The following DCST2 variants were observed in gnomAD, a reference collection of about 807,000 sequenced individuals.
The protein encoded by DCST2 is DC-STAMP domain-containing protein 2.
In DCST2, 64 loss-of-function variants were observed where a neutral mutation model predicts 81.8. That is an observed-to-expected ratio of 0.78 (90% confidence interval 0.64 to 0.96). The LOEUF is 0.96. DCST2 is among the 40% of genes least tolerant of loss of function. The pLI is 0.00. For missense variants in DCST2, 945 were observed against 1,001.4 expected (o/e 0.94, Z 0.76); for synonymous variants, 354 against 402.6 (o/e 0.88, Z 1.44).
chr1:155,028,145 C>T (rs1659964435), intron 8 of DCST2, among the ~76,000 whole-genome samples: 2 of 151,326 alleles, frequency 1.3e-5, no homozygotes, highest in South Asian at 4.2e-4. Context: ...AGCCTGGTCT[C>T]AAACTCCTGA....
At chr1:155,020,530 TA>T (rs1168566890) in intron 14 of DCST2, among the ~76,000 whole-genome samples, 1 of 151,700 alleles carries the variant, frequency 6.6e-6, no homozygotes, top group Non-Finnish European at 1.5e-5. Context: ...CCACCATGCC[TA>T]ATTTTTTGTA....
intron 5 of DCST2, chr1:155,030,931 T>G: frequency 1.6e-6 from 1 of 611,908 alleles, no homozygotes; most frequent in Non-Finnish European, 2.9e-6. Context: ...CAGGAGGCCC[T>G]GGTTCTGTTC....
rs1571542161 is a variant in DCST2, at chr1:155,022,432, C to T, written c.2105+685G>A. Among the ~76,000 whole-genome samples the T allele has an allele frequency of 3.9e-5, 6 of 152,268 alleles. No individual in the cohort carries two copies. The South Asian group carries it at 1.0e-3, about 26-fold the overall frequency. On this transcript the variant is annotated intron_variant, in intron 14 of 14. Transcript: ENST00000368424. The stretch of plus-strand genomic sequence containing the variant: ...CAAACCACCAAGTTGCCCCCAAAAT[C>T]CAGCCCGTGGCCAGGCACCATGGCT...
At chr1:155,020,172 C>T (rs777735270) in intron 14 of DCST2, among the ~76,000 whole-genome samples, 3 of 152,194 alleles carry the variant, frequency 2.0e-5, no homozygotes, top group Non-Finnish European at 2.9e-5. Flanking sequence ...CTCAAATCTT[C>T]CTGTTCTTAG....
At chr1:155,025,890 ATAGAGAC>A (rs1659892915) in intron 10 of DCST2, among the ~76,000 whole-genome samples, 2 of 150,636 alleles carry the variant, frequency 1.3e-5, no homozygotes, top group South Asian at 4.2e-4. Flanking sequence ...TTTTTTTTTA[ATAGAGAC>A]AGAGGCTCAC....
chr1:155,023,353 G>A lies in DCST2; in HGVS notation c.1964+11C>T, dbSNP rs1247302187. The A allele has an allele frequency of 1.2e-6, 2 of 1,609,250 alleles. No homozygotes were observed. Among genetic ancestry groups the A allele is most frequent in the Non-Finnish European group, 1.7e-6 (2 of 1,177,760 alleles). On this transcript the variant is annotated intron_variant, in intron 13 of 14. Coordinates refer to ENST00000368424, the MANE Select transcript of DCST2 (RefSeq NM_144622.3). ...CAGACTCCAGCCACCCCATGTCACTGAAAGACTCACAGCTCCAGGTCCAGG... is the reference window on the plus strand; with the variant it reads ...CAGACTCCAGCCACCCCATGTCACTAAAAGACTCACAGCTCCAGGTCCAGG...
chr1:155,030,054 T>G, intron 7 of DCST2, 30 bp downstream of exon 7: 2 of 1,610,428 alleles, frequency 1.2e-6, no homozygotes, highest in Non-Finnish European at 1.7e-6. Context: ...CCTCCCTGGC[T>G]TGGGCTCTCC....
chr1:155,023,046 G>T (rs1045505648), intron 14 of DCST2, 71 bp downstream of exon 14: 12 of 1,552,338 alleles, frequency 7.7e-6, no homozygotes, highest in East Asian at 2.3e-5. Flanking sequence ...ACCCAGGAAG[G>T]CCTTTGCAAA....
rs373275652 is a variant in DCST2 at position 155,031,616 on chromosome 1, C to T, written c.697G>A (p.Val233Met). 4.8e-5 allele frequency: 77 copies of T among 1,613,422 alleles called. No homozygotes were observed. Among genetic ancestry groups the T allele is most frequent in the Middle Eastern group, 1.6e-4 (1 of 6,084 alleles). ...AGCGCCAGTTTGAAGGGCATGAGCA[C>T]GTAACACAGGTGGTAGGCTTGTGGT... The part of the protein sequence containing the change: ...VIPQAYHLCY[V>M]LMPFKLALCG... The change falls in exon 4 of 15, where the codon GTG becomes ATG. Residue 233 changes from valine to methionine, a missense_variant. Val to Met is a conservative substitution (Grantham distance 21). Coordinates refer to ENST00000368424, the MANE Select transcript of DCST2 (RefSeq NM_144622.3).
At position 155,018,646 on chromosome 1, in the gene DCST2, C is replaced by T; in HGVS notation, c.2220G>A (p.Glu740=). Residue 740 remains glutamate, a synonymous_variant, in exon 15 of 15, where the codon GAG becomes GAA. Transcript: ENST00000368424. ...LTSPEPHRPP[E]TSSATKGAPT... ...GGGCTCCTTTAGTGGCGGAGGATGT[C>T]TCAGGTGGTCTGTGGGGCTCAGGGC... The T allele has an allele frequency of 6.2e-7, 1 of 1,613,804 alleles. No homozygotes were observed. Among genetic ancestry groups the T allele is most frequent in the Middle Eastern group, 1.7e-4 (1 of 6,058 alleles).
intron 10 of DCST2, among the ~76,000 whole-genome samples, chr1:155,025,660 C>T (rs1218885612): frequency 6.6e-6 from 1 of 151,638 alleles, no homozygotes; most frequent in East Asian, 2.0e-4. Context: ...CCTCAACATG[C>T]CAACACTGCC....
At chr1:155,032,483 A>G (rs567339276) in intron 3 of DCST2, among the ~76,000 whole-genome samples, 184 bp downstream of exon 3, 1 of 151,380 alleles carries the variant, frequency 6.6e-6, no homozygotes, top group African/African-American at 2.4e-5. Flanking sequence ...TTTATTTTCT[A>G]TTTTTTTATT....
intron 9 of DCST2, 42 bp from the exon 10 acceptor site, chr1:155,026,444 A>G (rs1215551768): frequency 1.2e-6 from 2 of 1,612,648 alleles, no homozygotes; most frequent in Non-Finnish European, 1.7e-6. Context: ...CAGCAGGCAC[A>G]AGTGCCAGCC....
intron 7 of DCST2, 104 bp from the exon 8 acceptor site, chr1:155,029,501 C>A (rs1660007408): frequency 8.9e-7 from 1 of 1,117,834 alleles, no homozygotes; most frequent in Admixed American, 2.3e-5. Context: ...GTGGGCCCGT[C>A]TGCTCATCAG....
Position 155,026,350 on chromosome 1 carries a change from G to T in DCST2, c.1563C>A (p.Ser521Arg). Residue 521 changes from serine (S) to arginine (R), a missense_variant, in exon 10 of 15, where the codon AGC becomes AGA. Transcript: ENST00000368424. ...FFITLFGSYV[S>R]RLRRVICASY... ...AGGCACAGATGACTCGCCGCAGCCG[G>T]CTGACATAGCTGCCAAACAGGGTGA... The T allele has an allele frequency of 6.2e-7, 1 of 1,613,846 alleles. No individual in the cohort carries two copies. Among genetic ancestry groups the T allele is most frequent in the African/African-American group, 1.3e-5 (1 of 75,036 alleles).
chr1:155,023,356 A>G lies in DCST2; in HGVS notation c.1964+8T>C, dbSNP rs759704966. ...ACTCCAGCCACCCCATGTCACTGAAAGACTCACAGCTCCAGGTCCAGGTCC... is the reference window on the plus strand; with the variant it reads ...ACTCCAGCCACCCCATGTCACTGAAGGACTCACAGCTCCAGGTCCAGGTCC... On this transcript the variant is annotated splice_region_variant and intron_variant, in intron 13 of 14. Coordinates refer to ENST00000368424, the MANE Select transcript of DCST2 (RefSeq NM_144622.3). The G allele has an allele frequency of 1.3e-5, 21 of 1,609,326 alleles. No individual in the cohort carries two copies. The highest frequency in any genetic ancestry group is 1.6e-5 in the Non-Finnish European group (19 of 1,177,762).
intron 12 of DCST2, 57 bp downstream of exon 12, chr1:155,023,775 C>A: frequency 1.2e-6 from 2 of 1,607,922 alleles, no homozygotes; most frequent in South Asian, 2.2e-5. Flanking sequence ...AGTGGATTGT[C>A]ATATGCAAGT....
chr1:155,023,099 C>G lies in DCST2; in HGVS notation c.2105+18G>C. Reference sequence around the variant, plus strand: ...AGGACTCACAATTCCCAGGTGCCAACTCCTGCTTCCTGCTCACCTGGACTC... The same window carrying G: ...AGGACTCACAATTCCCAGGTGCCAAGTCCTGCTTCCTGCTCACCTGGACTC... On this transcript the variant is annotated intron_variant, in intron 14 of 14. Transcript: ENST00000368424. 1 of 1,607,584 alleles carries G rather than the reference C, an allele frequency of 6.2e-7. No homozygotes were observed. The highest frequency in any genetic ancestry group is 1.9e-4 in the Middle Eastern group (1 of 5,384).
At position 155,026,340 on chromosome 1, in the gene DCST2, G is replaced by A. The variant is rs773990501; in HGVS notation, c.1573C>T (p.Arg525Ter). 4.3e-6 allele frequency: 7 copies of A among 1,613,818 alleles called. No homozygotes were observed. The highest frequency in any genetic ancestry group is 1.7e-5 in the Admixed American group (1 of 60,024). The change falls in exon 10 of 15, where the codon CGA becomes TGA. Residue 525 changes from arginine to a stop codon, truncating the protein, a stop_gained. Coordinates refer to ENST00000368424, the MANE Select transcript of DCST2 (RefSeq NM_144622.3). LOFTEE classifies it high-confidence loss of function. ...GGGTAGTAGGAGGCACAGATGACTCGCCGCAGCCGGCTGACATAGCTGCCA... is the reference window on the plus strand; with the variant it reads ...GGGTAGTAGGAGGCACAGATGACTCACCGCAGCCGGCTGACATAGCTGCCA... Reference protein sequence around the residue: ...LFGSYVSRLRRVICASYYPSR... With the variant: ...LFGSYVSRLR
Sources: gnomAD v4.1 joint callset for allele counts (sites outside exome capture counted in the v4.1 genomes callset) on GRCh38, gnomAD v4.1.1 for gene constraint, MANE v1.5 for transcripts, NCBI Gene and HGNC (gene_info 2026-07-23, HGNC 2026-07-21) for gene names.